Variants in ZBTB20 observed in about 807,000 individuals in gnomAD.
The protein encoded by ZBTB20 is zinc finger and BTB domain-containing protein 20.
ZBTB20 carries 9 observed loss-of-function variants against 56.9 expected under a neutral mutation model. That is an observed-to-expected ratio of 0.16 (90% CI 0.10 to 0.28). The LOEUF is 0.28. Among genes scored for constraint, ZBTB20 ranks in the 10% least tolerant of loss-of-function variants. The pLI, the probability that ZBTB20 is intolerant of heterozygous loss-of-function variation, is 1.00. For synonymous variants in ZBTB20, 417 were observed against 420.7 expected (o/e 0.99, Z 0.11); for missense variants, 655 against 1,003.0 (o/e 0.65, Z 4.69).
At chr3:114,960,734 A>G (rs950742527) in intron 3 of ZBTB20, among the ~76,000 whole-genome samples, 7 of 152,222 alleles carry the variant, frequency 4.6e-5, no homozygotes, top group African/African-American at 1.7e-4. Context: ...TCAAAATTCT[A>G]GACATCATCA....
chr3:114,881,657 A>T (rs2076401832), intron 4 of ZBTB20, among the ~76,000 whole-genome samples: 2 of 151,892 alleles, frequency 1.3e-5, no homozygotes, highest in African/African-American at 4.8e-5. Context: ...ATTGATAAGT[A>T]ATAAGAAATG....
At chr3:114,782,488 T>C in intron 5 of ZBTB20, among the ~76,000 whole-genome samples, 1 of 152,220 alleles carries the variant, frequency 6.6e-6, no homozygotes, top group East Asian at 1.9e-4. Context: ...TAAGTGAGCA[T>C]GAAATATTTT....
intron 3 of ZBTB20, among the ~76,000 whole-genome samples, chr3:114,934,594 C>A (rs2076469734): frequency 6.6e-6 from 1 of 152,106 alleles, no homozygotes; most frequent in Non-Finnish European, 1.5e-5. Flanking sequence ...GTGGAAGCTG[C>A]AGGCAAGATT....
At chr3:114,835,201 A>G (rs1236226769) in intron 4 of ZBTB20, among the ~76,000 whole-genome samples, 1 of 152,156 alleles carries the variant, frequency 6.6e-6, no homozygotes, top group East Asian at 1.9e-4. Context: ...CTTTATCCCC[A>G]CAGAGTAAGC....
chr3:114,626,792 C>T (rs2058678662), intron 6 of ZBTB20, among the ~76,000 whole-genome samples: 2 of 152,140 alleles, frequency 1.3e-5, no homozygotes, highest in African/African-American at 4.8e-5. Context: ...GTGTTATTGG[C>T]CTTAACCGCA....
At chr3:114,383,817 T>C (rs530120292) in intron 8 of ZBTB20, among the ~76,000 whole-genome samples, 8 of 152,336 alleles carry the variant, frequency 5.3e-5, no homozygotes, top group African/African-American at 1.9e-4. Flanking sequence ...TTGCAGTTCA[T>C]AGTTTATTAA....
intron 3 of ZBTB20, among the ~76,000 whole-genome samples, chr3:114,922,384 T>G (rs1269274441): frequency 6.6e-6 from 1 of 152,036 alleles, no homozygotes; most frequent in African/African-American, 2.4e-5. Context: ...TCTCTGTTTA[T>G]AGATGACATA....
chr3:114,621,958 T>C (rs1223634183), intron 6 of ZBTB20, among the ~76,000 whole-genome samples: 1 of 152,212 alleles, frequency 6.6e-6, no homozygotes, highest in Admixed American at 6.5e-5. Flanking sequence ...ACTCCAAGCC[T>C]TAGCAACTAT....
rs567149282 is a variant in ZBTB20, at chr3:115,121,964, T to A, written c.-703+25255A>T. On this transcript the variant is annotated intron_variant, in intron 1 of 11. Coordinates refer to ENST00000675478, the MANE Select transcript of ZBTB20 (RefSeq NM_001348800.3). ...AAATTAGAATTTAAAGTGACTTTGGTCAAGTTCAGTGGTCTTTTTTAAGTA... is the reference window on the plus strand; with the variant it reads ...AAATTAGAATTTAAAGTGACTTTGGACAAGTTCAGTGGTCTTTTTTAAGTA... Among the ~76,000 whole-genome samples the A allele has an allele frequency of 3.2e-4, 49 of 152,168 alleles. 1 individual carries two copies. In the South Asian group the frequency reaches 8.7e-3, roughly 27 times the overall value.
Position 114,604,132 on chromosome 3 carries a change from T to C in ZBTB20, c.-295+89396A>G, listed in dbSNP as rs369497250. ...GTAATATTGTTTGAAATGAAAAAAA[T>C]TGTTTATCAATCGGGACTGAATAAA... On this transcript the variant is annotated intron_variant, in intron 6 of 11. Transcript: ENST00000675478. Among the ~76,000 whole-genome samples, 40 of 152,178 alleles carry C rather than the reference T, an allele frequency of 2.6e-4. No homozygotes were observed. In the East Asian group the frequency reaches 5.4e-3, roughly 21 times the overall value.
chr3:114,606,539 G>A (rs981049026), intron 6 of ZBTB20, among the ~76,000 whole-genome samples: 12 of 152,126 alleles, frequency 7.9e-5, no homozygotes, highest in Non-Finnish European at 1.8e-4. Context: ...TAAAATGGAA[G>A]AGAAAAGGAA....
At chr3:114,389,211 G>A (rs2085514900) in intron 7 of ZBTB20, 106 bp from the exon 8 acceptor site, 1 of 152,256 alleles carries the variant, frequency 6.6e-6, no homozygotes, top group African/African-American at 2.4e-5. Context: ...GTGAGAGGTT[G>A]GTTGTTTGGT....
rs965713593 is a variant in ZBTB20, at chr3:114,512,584, G to A, written c.-294-12193C>T. On this transcript the variant is annotated intron_variant, in intron 6 of 11. Transcript: ENST00000675478. ...CCTGTAACATCCATTAACCTTTCAT[G>A]AATGACCTGATCCTTTGTGAGCTAT... Among the ~76,000 whole-genome samples, 6 of 151,998 alleles carry A rather than the reference G, an allele frequency of 3.9e-5. 1 individual carries two copies. Among genetic ancestry groups the A allele is most frequent in the Admixed American group, 1.3e-4 (2 of 15,226 alleles).
intron 7 of ZBTB20, among the ~76,000 whole-genome samples, chr3:114,456,219 A>ATG (rs2092009806): frequency 1.3e-5 from 2 of 151,662 alleles, no homozygotes; most frequent in African/African-American, 4.9e-5. Context: ...ATATGGAGAG[A>ATG]GAGAGAGAGA....
intron 7 of ZBTB20, among the ~76,000 whole-genome samples, chr3:114,437,524 C>A (rs1399489598): frequency 6.6e-6 from 1 of 151,968 alleles, no homozygotes; most frequent in African/African-American, 2.4e-5. Flanking sequence ...TTAACCTTTC[C>A]TCAGCTTCCA....
intron 2 of ZBTB20, among the ~76,000 whole-genome samples, chr3:114,997,316 A>G (rs1009989603): frequency 1.3e-5 from 2 of 151,806 alleles, no homozygotes; most frequent in Non-Finnish European, 2.9e-5. Flanking sequence ...ACGTTCTGGA[A>G]TTAGATAGTG....
intron 2 of ZBTB20, among the ~76,000 whole-genome samples, chr3:115,057,254 GTTCT>G (rs1483242675): frequency 2.6e-5 from 4 of 151,364 alleles, no homozygotes; most frequent in Non-Finnish European, 5.9e-5. Context: ...TGTCCCATGT[GTTCT>G]TTATTTTTTT....
rs1051616359 is a variant in ZBTB20, at chr3:114,320,075, G to A, written c.*18930C>T. ...ATGCTCTGTTTTCTCCATCCCCATT[G>A]AACTACCAGGTTCCTTTTATATTTT... is the stretch of plus-strand genomic sequence containing the variant. On this transcript the variant is annotated 3_prime_UTR_variant, in exon 12 of 12. Transcript: ENST00000675478. 2.6e-5 allele frequency: 4 copies of A among 152,044 alleles called. No individual in the cohort carries two copies. The highest frequency in any genetic ancestry group is 4.8e-5 in the African/African-American group (2 of 41,384). The allele number at this position is 152,044 out of a possible 1,614,324, so 9.4% of individuals were successfully genotyped here.
intron 4 of ZBTB20, among the ~76,000 whole-genome samples, chr3:114,895,064 G>C (rs2074816776): frequency 6.6e-6 from 1 of 152,002 alleles, no homozygotes; most frequent in Admixed American, 6.6e-5. Context: ...GAGGAAAATG[G>C]TTTACTATAA....
Sources: gnomAD v4.1 joint callset for allele counts (sites outside exome capture counted in the v4.1 genomes callset) on GRCh38, gnomAD v4.1.1 for gene constraint, MANE v1.5 for transcripts, NCBI Gene and HGNC (gene_info 2026-07-23, HGNC 2026-07-21) for gene names.